ATRNL1: variants seen among roughly 807,000 people sequenced by gnomAD.
ATRNL1 encodes the protein attractin-like protein 1.
ATRNL1 carries 95 observed loss-of-function variants against 182.7 expected under a neutral mutation model. The observed-to-expected ratio is 0.52, with a 90% CI of 0.44 to 0.62. The LOEUF (loss-of-function observed/expected upper bound fraction) is 0.62, where lower values mean the gene tolerates loss of function less well. ATRNL1 is among the 20% of genes least tolerant of loss of function. The probability of loss-of-function intolerance (pLI) is 0.00; values close to 1 mark genes in which losing one functional copy is unlikely to be tolerated. For synonymous variants in ATRNL1, 576 were observed against 568.3 expected (o/e 1.01, Z -0.19); for missense variants, 1,471 against 1,679.5 (o/e 0.88, Z 2.17).
intron 19 of ATRNL1, among the ~76,000 whole-genome samples, chr10:115,390,916 G>C (rs1194336786): frequency 6.6e-6 from 1 of 152,128 alleles, no homozygotes; most frequent in African/African-American, 2.4e-5. Context: ...TATCATGAAT[G>C]GGATTGATGT....
chr10:115,307,367 A>G (rs1288232131), intron 17 of ATRNL1, among the ~76,000 whole-genome samples: 1 of 152,074 alleles, frequency 6.6e-6, no homozygotes, highest in Non-Finnish European at 1.5e-5. Flanking sequence ...GGTTGAAGCA[A>G]TTCTCCTGCT....
chr10:115,888,487 T>G (rs914802497), intron 28 of ATRNL1, among the ~76,000 whole-genome samples: 29 of 152,188 alleles, frequency 1.9e-4, no homozygotes, highest in African/African-American at 6.8e-4. Flanking sequence ...TTCTTCCAGA[T>G]GGAATGCCCT....
At chr10:115,753,123 G>T (rs1470473839) in intron 27 of ATRNL1, among the ~76,000 whole-genome samples, 2 of 151,982 alleles carry the variant, frequency 1.3e-5, no homozygotes, top group African/African-American at 4.8e-5. Context: ...ACATATGGAA[G>T]ATTTGATGTT....
chr10:115,816,919 A>T (rs562720990), intron 27 of ATRNL1, among the ~76,000 whole-genome samples: 2 of 152,224 alleles, frequency 1.3e-5, no homozygotes, highest in African/African-American at 2.4e-5. Flanking sequence ...TATTTACCAA[A>T]CCTTATTTTT....
chr10:115,384,898 A>G (rs1207963458), intron 19 of ATRNL1, among the ~76,000 whole-genome samples: 1 of 150,686 alleles, frequency 6.6e-6, no homozygotes, highest in African/African-American at 2.4e-5. Context: ...GATATACCAC[A>G]TTTTGTTTAT....
At chr10:115,236,789 T>A (rs1850204628) in intron 9 of ATRNL1, among the ~76,000 whole-genome samples, 1 of 152,200 alleles carries the variant, frequency 6.6e-6, no homozygotes, top group Non-Finnish European at 1.5e-5. Context: ...TAGGTTCACT[T>A]TTGTGCTGTA....
At chr10:115,751,112 C>A (rs1473776650) in intron 27 of ATRNL1, among the ~76,000 whole-genome samples, 3 of 151,896 alleles carry the variant, frequency 2.0e-5, no homozygotes, top group African/African-American at 7.3e-5. Flanking sequence ...AGGTCCTTAC[C>A]AGTGAAAGAG....
intron 9 of ATRNL1, among the ~76,000 whole-genome samples, chr10:115,232,159 C>G (rs545587774): frequency 6.6e-6 from 1 of 152,238 alleles, no homozygotes; most frequent in East Asian, 1.9e-4. Flanking sequence ...TGTTCATGCT[C>G]TATTTTACCC....
intron 19 of ATRNL1, among the ~76,000 whole-genome samples, chr10:115,340,471 CTTTTCTTTTTTT>C (rs1329772169): frequency 3.3e-5 from 3 of 89,592 alleles, no homozygotes; most frequent in Non-Finnish European, 4.6e-5. Flanking sequence ...CTTTTCTTTT[CTTTTCTTTTTTT>C]TTTTTTTTGG....
At chr10:115,793,421 G>A (rs78456108) in intron 27 of ATRNL1, among the ~76,000 whole-genome samples, 9,272 of 152,100 alleles carry the variant, frequency 0.061, 875 homozygotes, top group African/African-American at 0.2. Context: ...TGTTAAAGCA[G>A]CCTCAACACT....
At chr10:115,379,953 A>G (rs1554950632) in intron 19 of ATRNL1, among the ~76,000 whole-genome samples, 1 of 152,000 alleles carries the variant, frequency 6.6e-6, no homozygotes, top group East Asian at 1.9e-4. Context: ...CAGCCTCCCT[A>G]GTAGCTGGGA....
intron 26 of ATRNL1, among the ~76,000 whole-genome samples, chr10:115,691,592 C>T (rs1593073879): frequency 1.3e-5 from 2 of 152,080 alleles, no homozygotes; most frequent in Middle Eastern, 3.2e-3. Context: ...CATGGTGGTG[C>T]ATGCCTGCAG....
At chr10:115,264,048 A>T (rs1328712086) in intron 10 of ATRNL1, among the ~76,000 whole-genome samples, 1 of 151,288 alleles carries the variant, frequency 6.6e-6, no homozygotes, top group African/African-American at 2.4e-5. Flanking sequence ...AGGTCAACAT[A>T]TATTTTATTG....
intron 9 of ATRNL1, among the ~76,000 whole-genome samples, chr10:115,227,549 A>G (rs1194672390): frequency 2.6e-5 from 4 of 152,200 alleles, no homozygotes; most frequent in African/African-American, 9.6e-5. Context: ...TGACCCAGCA[A>G]TCCCATTACT....
chr10:115,867,579 C>T (rs1356113849), intron 28 of ATRNL1, among the ~76,000 whole-genome samples: 1 of 152,144 alleles, frequency 6.6e-6, no homozygotes, highest in African/African-American at 2.4e-5. Context: ...CAGGATCAGA[C>T]AACTAGAGTT....
At chr10:115,476,850 A>G (rs1848550749) in intron 24 of ATRNL1, among the ~76,000 whole-genome samples, 1 of 151,460 alleles carries the variant, frequency 6.6e-6, no homozygotes, top group African/African-American at 2.4e-5. Flanking sequence ...CTCTTTTCTT[A>G]CAACTGGCAT....
chr10:115,247,201 A>G (rs955134021), intron 10 of ATRNL1, among the ~76,000 whole-genome samples: 1 of 152,204 alleles, frequency 6.6e-6, no homozygotes, highest in Non-Finnish European at 1.5e-5. Flanking sequence ...GAAAAGGACA[A>G]TCAACAGAAT....
intron 13 of ATRNL1, among the ~76,000 whole-genome samples, chr10:115,270,697 A>G (rs1425971626): frequency 6.6e-6 from 1 of 151,964 alleles, no homozygotes; most frequent in Non-Finnish European, 1.5e-5. Context: ...CAGGCCCTCA[A>G]TTGCTTGGAT....
rs575269277 is a variant in ATRNL1, at chr10:115,151,618, G to T, written c.830-8422G>T. On this transcript the variant is annotated intron_variant, in intron 5 of 28. Transcript: ENST00000355044. ...AGTTCTTTGTAGATTCTGGATATTA[G>T]CCCTTTGCCAGATGAGTACATTGCA... Among the ~76,000 whole-genome samples the T allele has an allele frequency of 2.0e-5, 3 of 152,062 alleles. No homozygotes were observed. The South Asian group carries it at 6.3e-4, about 32-fold the overall frequency.
Sources: allele counts gnomAD v4.1 joint callset (sites outside exome capture counted in the v4.1 genomes callset), GRCh38; gene constraint gnomAD v4.1.1; transcripts MANE v1.5; gene names NCBI Gene and HGNC (gene_info 2026-07-23, HGNC 2026-07-21).